RALYL: variants seen among roughly 807,000 people sequenced by gnomAD.
The protein encoded by RALYL is RNA-binding Raly-like protein.
In RALYL, 29 loss-of-function variants were observed where a neutral mutation model predicts 35.1. The ratio of observed to expected loss-of-function variants is 0.83; its 90% CI spans 0.61 to 1.13. RALYL has a LOEUF of 1.13. Among genes scored for constraint, RALYL ranks in the 50% most tolerant of loss-of-function variants. RALYL has a pLI of 0.00. For missense variants in RALYL, 359 were observed against 360.4 expected (o/e 1.00, Z 0.03); for synonymous variants, 120 against 127.6 (o/e 0.94, Z 0.40).
intron 1 of RALYL, among the ~76,000 whole-genome samples, chr8:84,311,978 G>A (rs554859862): frequency 6.6e-6 from 1 of 152,266 alleles, no homozygotes; most frequent in African/African-American, 2.4e-5. Context: ...TCACACTGCT[G>A]TAAACATACT....
intron 1 of RALYL, among the ~76,000 whole-genome samples, chr8:84,469,008 C>T (rs2052237065): frequency 2.0e-5 from 3 of 151,764 alleles, no homozygotes; most frequent in South Asian, 4.2e-4. Flanking sequence ...CTCCTTTAAG[C>T]ACTTCTCTGT....
chr8:84,788,809 G>A (rs1820138237), intron 3 of RALYL, among the ~76,000 whole-genome samples: 1 of 152,212 alleles, frequency 6.6e-6, no homozygotes, highest in African/African-American at 2.4e-5. Context: ...AGGATATGGG[G>A]GCCAGGAGAG....
At chr8:84,566,838 C>A (rs2061816974) in intron 2 of RALYL, among the ~76,000 whole-genome samples, 1 of 151,634 alleles carries the variant, frequency 6.6e-6, no homozygotes, top group African/African-American at 2.4e-5. Context: ...AACTTGGCCC[C>A]AATTTTCCCA....
intron 1 of RALYL, among the ~76,000 whole-genome samples, chr8:84,277,449 GC>G (rs1835634648): frequency 6.6e-6 from 1 of 152,006 alleles, no homozygotes; most frequent in Non-Finnish European, 1.5e-5. Flanking sequence ...ATATCATTCT[GC>G]CCCCAGCCCC....
At chr8:84,772,189 G>A (rs939815801) in intron 2 of RALYL, among the ~76,000 whole-genome samples, 2 of 151,944 alleles carry the variant, frequency 1.3e-5, no homozygotes, top group Non-Finnish European at 2.9e-5. Context: ...TCATATATAC[G>A]TGTGTGTATT....
intron 1 of RALYL, among the ~76,000 whole-genome samples, chr8:84,270,125 T>C (rs1457085753): frequency 6.6e-6 from 1 of 152,096 alleles, no homozygotes; most frequent in South Asian, 2.1e-4. Flanking sequence ...CAGCAACGGA[T>C]TAAGTCATTA....
chr8:84,835,091 G>A (rs1283247303), intron 4 of RALYL, among the ~76,000 whole-genome samples: 4 of 152,096 alleles, frequency 2.6e-5, no homozygotes, highest in Admixed American at 1.3e-4. Context: ...ATTTTACCCT[G>A]AAAACTTCAG....
At chr8:84,907,287 A>C (rs1271760954) in intron 8 of RALYL, among the ~76,000 whole-genome samples, 5 of 135,938 alleles carry the variant, frequency 3.7e-5, no homozygotes, top group Non-Finnish European at 7.8e-5. Context: ...AAAGGCAGAA[A>C]TCTGAGAAAA....
At chr8:84,399,890 G>A (rs1261436840) in intron 1 of RALYL, among the ~76,000 whole-genome samples, 1 of 152,178 alleles carries the variant, frequency 6.6e-6, no homozygotes, top group Non-Finnish European at 1.5e-5. Flanking sequence ...CATGCCGTGG[G>A]TGGATCACTT....
At chr8:84,715,632 T>TC (rs774738534) in intron 2 of RALYL, among the ~76,000 whole-genome samples, 5 of 152,058 alleles carry the variant, frequency 3.3e-5, no homozygotes, top group Non-Finnish European at 7.4e-5. Flanking sequence ...TGCAAAGGAA[T>TC]GAAAGGTTTC....
chr8:84,868,578 G>T (rs1839609897), intron 6 of RALYL, among the ~76,000 whole-genome samples: 1 of 152,110 alleles, frequency 6.6e-6, no homozygotes, highest in African/African-American at 2.4e-5. Context: ...ATTCTGATTT[G>T]CATATTGGGA....
chr8:84,322,922 G>A (rs1276217736), intron 1 of RALYL, among the ~76,000 whole-genome samples: 2 of 152,024 alleles, frequency 1.3e-5, no homozygotes, highest in African/African-American at 4.8e-5. Flanking sequence ...ATATGTATGT[G>A]AAAAGACTAT....
intron 3 of RALYL, among the ~76,000 whole-genome samples, chr8:84,780,156 C>A (rs1217826130): frequency 6.6e-6 from 1 of 152,132 alleles, no homozygotes; most frequent in East Asian, 1.9e-4. Flanking sequence ...TTCCATTTCA[C>A]CTACCCAGCC....
intron 1 of RALYL, among the ~76,000 whole-genome samples, chr8:84,224,936 T>G (rs1823480259): frequency 6.6e-6 from 1 of 152,196 alleles, no homozygotes. Flanking sequence ...ATTACAGGCA[T>G]GAGCCACTGC....
intron 2 of RALYL, among the ~76,000 whole-genome samples, chr8:84,599,713 TCAA>T (rs528265934): frequency 7.9e-5 from 12 of 152,082 alleles, no homozygotes; most frequent in South Asian, 2.1e-4. Flanking sequence ...ACCCTCTCCC[TCAA>T]CAACAACAAC....
intron 8 of RALYL, among the ~76,000 whole-genome samples, chr8:84,898,621 C>T (rs1845152547): frequency 6.6e-6 from 1 of 152,182 alleles, no homozygotes. Flanking sequence ...TAACACTGCA[C>T]ACCCTCACTC....
intron 1 of RALYL, among the ~76,000 whole-genome samples, chr8:84,478,285 C>T (rs2053645353): frequency 6.6e-6 from 1 of 151,994 alleles, no homozygotes; most frequent in African/African-American, 2.4e-5. Flanking sequence ...CAAATACAAC[C>T]TGATAAAAAG....
chr8:84,454,852 G>C (rs1053085434), intron 1 of RALYL, among the ~76,000 whole-genome samples: 2 of 151,968 alleles, frequency 1.3e-5, no homozygotes, highest in African/African-American at 4.8e-5. Flanking sequence ...AGGTACTCAG[G>C]AAATCTTTAT....
chr8:84,268,910 T>A (rs888858473), intron 1 of RALYL, among the ~76,000 whole-genome samples: 1 of 152,202 alleles, frequency 6.6e-6, no homozygotes, highest in Non-Finnish European at 1.5e-5. Flanking sequence ...TTGAATGTTA[T>A]GCGATAATCT....
Sources: gnomAD v4.1 joint callset for allele counts (sites outside exome capture counted in the v4.1 genomes callset) on GRCh38, gnomAD v4.1.1 for gene constraint, MANE v1.5 for transcripts, NCBI Gene and HGNC (gene_info 2026-07-23, HGNC 2026-07-21) for gene names.